Variants in CRB1 observed in about 807,000 individuals in gnomAD.
CRB1 encodes the protein protein crumbs homolog 1.
Under a neutral mutation model 120.0 loss-of-function variants are expected in CRB1, and 83 were observed. The observed-to-expected ratio is 0.69, with a 90% confidence interval of 0.58 to 0.83. CRB1 has a LOEUF of 0.83. Ranked by LOEUF, CRB1 falls within the 40% of genes least tolerant of loss-of-function variation. CRB1 has a pLI of 0.00. For missense variants in CRB1, 1,699 were observed against 1,687.6 expected (o/e 1.01, Z -0.12); for synonymous variants, 625 against 612.5 (o/e 1.02, Z -0.30).
the CRB1 span, among the ~76,000 whole-genome samples, chr1:197,214,799 GAGAA>G: frequency 2.6e-5 from 4 of 151,406 alleles, no homozygotes; most frequent in Non-Finnish European, 4.4e-5. Context: ...AAAACTCGAA[GAGAA>G]AGAAATACCT....
chr1:197,225,335 A>G, the CRB1 span, among the ~76,000 whole-genome samples: 1 of 152,256 alleles, frequency 6.6e-6, no homozygotes. Flanking sequence ...AAAGATATCC[A>G]TCAAATATGT....
intron 1 of CRB1, among the ~76,000 whole-genome samples, chr1:197,280,371 G>T (rs1411143129): frequency 1.3e-5 from 2 of 151,760 alleles, no homozygotes; most frequent in Non-Finnish European, 2.9e-5. Flanking sequence ...ATAATCTATT[G>T]CTCAAACCAT....
chr1:197,279,883 C>A (rs1655426049), intron 1 of CRB1, among the ~76,000 whole-genome samples: 1 of 150,488 alleles, frequency 6.6e-6, no homozygotes, highest in Non-Finnish European at 1.5e-5. Flanking sequence ...GTTTTCCTTG[C>A]CTACCAGATA....
intron 1 of CRB1, among the ~76,000 whole-genome samples, chr1:197,303,856 T>G (rs972421422): frequency 6.6e-6 from 1 of 152,092 alleles, no homozygotes; most frequent in South Asian, 2.1e-4. Flanking sequence ...AGAGTGTTGG[T>G]GTGTGCCTGT....
At chr1:197,458,601 T>A (rs899023670) in intron 11 of CRB1, among the ~76,000 whole-genome samples, 2 of 152,092 alleles carry the variant, frequency 1.3e-5, no homozygotes, top group African/African-American at 4.8e-5. Flanking sequence ...CCCATGGCAA[T>A]GCAGAGAGCT....
chr1:197,325,997 G>A (rs2125298958), intron 1 of CRB1, among the ~76,000 whole-genome samples: 1 of 152,202 alleles, frequency 6.6e-6, no homozygotes, highest in South Asian at 2.1e-4. Context: ...AATTAAGTTA[G>A]TAAATCTTAA....
At chr1:197,386,892 TA>T (rs1314192212) in intron 5 of CRB1, among the ~76,000 whole-genome samples, 1 of 152,158 alleles carries the variant, frequency 6.6e-6, no homozygotes, top group Non-Finnish European at 1.5e-5. Context: ...ATAGTTATTA[TA>T]AAAAGCAATT....
the CRB1 span, among the ~76,000 whole-genome samples, chr1:197,201,533 C>G: frequency 1.5e-4 from 23 of 152,326 alleles, no homozygotes; most frequent in Non-Finnish European, 2.6e-4. Context: ...AGCTACACGC[C>G]GAATCCGTTA....
At chr1:197,222,189 T>C in the CRB1 span, 2 of 435,392 alleles carry the variant, frequency 4.6e-6, no homozygotes, top group Middle Eastern at 7.0e-4. Context: ...GCCCGCTCCT[T>C]GTTGCCCTGC....
Position 197,435,429 on chromosome 1 carries a change from G to T in CRB1, c.3566G>T (p.Gly1189Val), listed in dbSNP as rs1482970538. The T allele has an allele frequency of 6.3e-7, 1 of 1,597,328 alleles. No individual in the cohort carries two copies. Among genetic ancestry groups the T allele is most frequent in the Non-Finnish European group, 8.5e-7 (1 of 1,171,312 alleles). Residue 1189 changes from glycine to valine, a missense_variant, in exon 9 of 12, where the codon GGC (glycine) becomes GTC (valine). Coordinates refer to ENST00000367400, the MANE Select transcript of CRB1 (RefSeq NM_201253.3). Reference sequence around the variant, plus strand: ...TGCTTTTCAAACCCCTGTATCCATGGCAACTGCTCTGACAGAGTTGCAGCC... The same window carrying T: ...TGCTTTTCAAACCCCTGTATCCATGTCAACTGCTCTGACAGAGTTGCAGCC... ...DECFSNPCIH[G>V]NCSDRVAAYH...
rs1334797344 is a variant in CRB1, at chr1:197,409,960, A to AT, written c.1172-11034dup. Among the ~76,000 whole-genome samples, 7 of 151,760 alleles carry AT rather than the reference A, an allele frequency of 4.6e-5. No homozygotes were observed. In the East Asian group the frequency reaches 1.2e-3, roughly 25 times the overall value. ...CACCATGCCCGGCTACTTTTTTTGT[A>AT]TTTTTTAGTAGAGACGGGGTTTCAC... On this transcript the variant is annotated intron_variant, in intron 5 of 11. Transcript: ENST00000367400.
intron 11 of CRB1, among the ~76,000 whole-genome samples, chr1:197,448,992 G>A (rs1385510139): frequency 1.3e-5 from 2 of 152,184 alleles, no homozygotes; most frequent in Non-Finnish European, 2.9e-5. Flanking sequence ...AATGCATAGT[G>A]TAGCTAGAAT....
At chr1:197,289,760 T>C (rs573286486) in intron 1 of CRB1, among the ~76,000 whole-genome samples, 85 of 151,942 alleles carry the variant, frequency 5.6e-4, no homozygotes, top group African/African-American at 2.0e-3. Context: ...TAGTTTTAAA[T>C]GTCAGTGCCT....
rs559717863 is a variant in CRB1 at position 197,313,775 on chromosome 1, G to T, written c.71-14647G>T. On this transcript the variant is annotated intron_variant, in intron 1 of 11. Coordinates refer to ENST00000367400, the MANE Select transcript of CRB1 (RefSeq NM_201253.3). Reference sequence around the variant, plus strand: ...CCATTCATGTTGCCGCAAATGACAGGATTTCATTCTTTTTGTGGTATATAT... The same window carrying T: ...CCATTCATGTTGCCGCAAATGACAGTATTTCATTCTTTTTGTGGTATATAT... 1.4e-4 allele frequency among the ~76,000 whole-genome samples: 21 copies of T among 152,188 alleles called. No homozygotes were observed. The South Asian group carries it at 4.4e-3, about 32-fold the overall frequency.
At chr1:197,365,610 C>CCTTCTT (rs1208615081) in intron 5 of CRB1, among the ~76,000 whole-genome samples, 1 of 139,818 alleles carries the variant, frequency 7.2e-6, no homozygotes, top group Non-Finnish European at 1.5e-5. Context: ...TTCTCCTTCT[C>CCTTCTT]CTTCTTCTTC....
chr1:197,250,719 G>A, the CRB1 span, among the ~76,000 whole-genome samples: 22 of 152,012 alleles, frequency 1.4e-4, no homozygotes, highest in African/African-American at 5.1e-4. Context: ...ATTTACTTTT[G>A]TATCTAACCT....
chr1:197,258,471 GTTCCATTGATATT>G, the CRB1 span, among the ~76,000 whole-genome samples: 1 of 152,246 alleles, frequency 6.6e-6, no homozygotes, highest in Non-Finnish European at 1.5e-5. Context: ...TTGTCCCAAT[GTTCCATTGATATT>G]TCTGTCACCA....
At chr1:197,350,395 G>T (rs562700622) in intron 4 of CRB1, among the ~76,000 whole-genome samples, 35 of 152,146 alleles carry the variant, frequency 2.3e-4, no homozygotes, top group Non-Finnish European at 4.7e-4. Flanking sequence ...TCAAAAAAGG[G>T]CAACTATGTA....
At chr1:197,408,825 C>T (rs1474212445) in intron 5 of CRB1, among the ~76,000 whole-genome samples, 1 of 152,176 alleles carries the variant, frequency 6.6e-6, no homozygotes, top group Non-Finnish European at 1.5e-5. Flanking sequence ...TCTGAAATTA[C>T]TTTTCAAAGT....
Sources: gnomAD v4.1 joint callset for allele counts (sites outside exome capture counted in the v4.1 genomes callset) on GRCh38, gnomAD v4.1.1 for gene constraint, MANE v1.5 for transcripts, NCBI Gene and HGNC (gene_info 2026-07-23, HGNC 2026-07-21) for gene names.